PLCB1: variants seen among roughly 807,000 people sequenced by gnomAD.
PLCB1 encodes the protein 1-phosphatidylinositol 4,5-bisphosphate phosphodiesterase beta-1.
Under a neutral mutation model 161.8 loss-of-function variants are expected in PLCB1, and 46 were observed. The ratio of observed to expected loss-of-function variants is 0.28; its 90% CI spans 0.22 to 0.36. The LOEUF (loss-of-function observed/expected upper bound fraction) is 0.36, where lower values mean the gene tolerates loss of function less well. PLCB1 is among the 10% of genes least tolerant of loss of function. The probability of loss-of-function intolerance (pLI) is 1.00; values close to 1 mark genes in which losing one functional copy is unlikely to be tolerated. For missense variants in PLCB1, 1,016 were observed against 1,472.5 expected, an observed-to-expected ratio of 0.69 and a Z score of 5.07; for synonymous variants, 517 against 503.7, an observed-to-expected ratio of 1.03 and a Z score of -0.35.
At chr20:8,147,350 A>C (rs1600197731) in intron 1 of PLCB1, among the ~76,000 whole-genome samples, 1 of 152,234 alleles carries the variant, frequency 6.6e-6, no homozygotes, top group East Asian at 1.9e-4. Flanking sequence ...TAAAGGATTA[A>C]AATATAGACC....
At chr20:8,326,197 C>G (rs953461639) in intron 2 of PLCB1, among the ~76,000 whole-genome samples, 9 of 152,166 alleles carry the variant, frequency 5.9e-5, no homozygotes, top group Non-Finnish European at 8.8e-5. Context: ...CTATTTTCTT[C>G]AAGCTCTTCA....
chr20:8,876,949 G>C (rs770959427), intron 31 of PLCB1, among the ~76,000 whole-genome samples: 1 of 152,034 alleles, frequency 6.6e-6, no homozygotes, highest in Non-Finnish European at 1.5e-5. Flanking sequence ...AAATAACAAG[G>C]CCTCCCCAGA....
intron 3 of PLCB1, 26 bp downstream of exon 3, chr20:8,371,476 AC>A: frequency 6.6e-7 from 1 of 1,506,356 alleles, no homozygotes; most frequent in African/African-American, 1.4e-5. Flanking sequence ...TTGTGCATGC[AC>A]CAGATGCTGC....
intron 10 of PLCB1, among the ~76,000 whole-genome samples, chr20:8,695,508 C>G (rs543424850): frequency 6.6e-6 from 1 of 152,134 alleles, no homozygotes; most frequent in Non-Finnish European, 1.5e-5. Flanking sequence ...TTGAGACCAA[C>G]CTGGGCAACA....
chr20:8,716,025 C>T, intron 12 of PLCB1: 1 of 475,390 alleles, frequency 2.1e-6, no homozygotes, highest in Admixed American at 3.4e-5. Flanking sequence ...TCCCCTCCAC[C>T]TATGTCTATG....
chr20:8,755,462 G>C (rs941519754), intron 23 of PLCB1, among the ~76,000 whole-genome samples: 2 of 152,164 alleles, frequency 1.3e-5, no homozygotes, highest in African/African-American at 4.8e-5. Context: ...CAGGGACTTG[G>C]AAGGCAATTC....
At chr20:8,752,643 A>G (rs1009920522) in intron 23 of PLCB1, among the ~76,000 whole-genome samples, 1 of 151,980 alleles carries the variant, frequency 6.6e-6, no homozygotes. Flanking sequence ...AAATACAAAA[A>G]TTAGCTGGGC....
Position 8,727,394 on chromosome 20 carries a change from G to T in PLCB1, c.1763+1G>T. 6.6e-7 allele frequency: 1 copy of T among 1,518,572 alleles called. No individual in the cohort carries two copies. The highest frequency in any genetic ancestry group is 9.1e-7 in the Non-Finnish European group (1 of 1,095,148). The allele number at this position is 1,518,572 out of a possible 1,614,324, so 94.1% of individuals were successfully genotyped here. A position where few individuals can be genotyped will look rare whatever the true frequency, so the allele number is the denominator to read the frequency against. On this transcript the variant is annotated splice_donor_variant, in intron 17 of 31. Coordinates refer to ENST00000338037, the MANE Select transcript of PLCB1 (RefSeq NM_015192.4). LOFTEE classifies it high-confidence loss of function. Reference sequence around the variant, plus strand: ...CCAAGTCTCCAGTGGAATTTGTAGAGTATCCTTGATTTGACGAATGACTGC... The same window carrying T: ...CCAAGTCTCCAGTGGAATTTGTAGATTATCCTTGATTTGACGAATGACTGC...
chr20:8,532,457 G>C (rs1412020772), intron 3 of PLCB1, among the ~76,000 whole-genome samples: 1 of 152,130 alleles, frequency 6.6e-6, no homozygotes, highest in African/African-American at 2.4e-5. Context: ...TTGCAAGAGA[G>C]GTCCTCATGT....
Position 8,610,464 on chromosome 20 carries a change from GT to G in PLCB1, c.247-17829del, listed in dbSNP as rs1987874747. ...TGAACTTTCAGGTATAAGCTTTTGT[GT>G]GGACATGTTTTCATTTCTCGTAGGT... On this transcript the variant is annotated intron_variant, in intron 3 of 31. Transcript: ENST00000338037. Among the ~76,000 whole-genome samples, 4 of 152,100 alleles carry G rather than the reference GT, an allele frequency of 2.6e-5. No homozygotes were observed. The South Asian group carries it at 8.3e-4, about 31-fold the overall frequency.
chr20:8,826,377 C>G (rs1985702172), intron 31 of PLCB1, among the ~76,000 whole-genome samples: 1 of 151,970 alleles, frequency 6.6e-6, no homozygotes, highest in South Asian at 2.1e-4. Flanking sequence ...CGCCTGTAGT[C>G]CCAGCTACTC....
chr20:8,199,145 A>G (rs762225070), intron 2 of PLCB1, among the ~76,000 whole-genome samples: 34 of 152,070 alleles, frequency 2.2e-4, no homozygotes, highest in Admixed American at 6.6e-5. Flanking sequence ...TTCCTTGACA[A>G]TGAACATTGA....
intron 2 of PLCB1, among the ~76,000 whole-genome samples, chr20:8,352,566 C>T (rs556521452): frequency 6.6e-6 from 1 of 152,022 alleles, no homozygotes; most frequent in South Asian, 2.1e-4. Context: ...TCAAGAGAAT[C>T]CCAGGATGGA....
chr20:8,447,154 C>T (rs1481065582), intron 3 of PLCB1, among the ~76,000 whole-genome samples: 2 of 152,148 alleles, frequency 1.3e-5, no homozygotes, highest in South Asian at 4.1e-4. Context: ...CTATACCCTG[C>T]AACAGTCAGA....
chr20:8,294,853 A>G (rs1471654085), intron 2 of PLCB1, among the ~76,000 whole-genome samples: 4 of 152,000 alleles, frequency 2.6e-5, no homozygotes, highest in Admixed American at 1.3e-4. Flanking sequence ...TGATAGTAAT[A>G]TGTTAATAAT....
intron 9 of PLCB1, among the ~76,000 whole-genome samples, chr20:8,675,846 G>C (rs1009650537): frequency 6.6e-6 from 1 of 152,174 alleles, no homozygotes; most frequent in Non-Finnish European, 1.5e-5. Context: ...TCATCCGTGT[G>C]AAAACCTGGA....
chr20:8,771,016 TAGAA>T (rs1982649245), intron 26 of PLCB1, among the ~76,000 whole-genome samples: 1 of 152,034 alleles, frequency 6.6e-6, no homozygotes, highest in South Asian at 2.1e-4. Flanking sequence ...CCCATGAAAA[TAGAA>T]AGAGAAACAA....
At chr20:8,862,567 C>T (rs1987292924) in intron 31 of PLCB1, among the ~76,000 whole-genome samples, 1 of 152,166 alleles carries the variant, frequency 6.6e-6, no homozygotes, top group African/African-American at 2.4e-5. Context: ...TGAATATAAT[C>T]ACTTCAAGTC....
chr20:8,311,268 G>C (rs1042628121), intron 2 of PLCB1, among the ~76,000 whole-genome samples: 1 of 152,140 alleles, frequency 6.6e-6, no homozygotes, highest in Admixed American at 6.6e-5. Context: ...CGTTATCAAA[G>C]ACTTAGAAAA....
Sources: gnomAD v4.1 joint callset for allele counts (sites outside exome capture counted in the v4.1 genomes callset) on GRCh38, gnomAD v4.1.1 for gene constraint, MANE v1.5 for transcripts, NCBI Gene and HGNC (gene_info 2026-07-23, HGNC 2026-07-21) for gene names.